The following C12orf42 variants were observed in gnomAD, a reference collection of about 807,000 sequenced individuals.
The protein encoded by C12orf42 is uncharacterized protein C12orf42.
Under a neutral mutation model 21.6 loss-of-function variants are expected in C12orf42, and 25 were observed. The observed-to-expected ratio is 1.16, with a 90% CI of 0.84 to 1.62. The LOEUF (loss-of-function observed/expected upper bound fraction) is 1.62. C12orf42 is among the 40% of genes most tolerant of loss of function. The probability of loss-of-function intolerance (pLI) is 0.00; values close to 1 mark genes in which losing one functional copy is unlikely to be tolerated. For synonymous variants in C12orf42, 174 were observed against 175.0 expected, an observed-to-expected ratio of 0.99 and a Z score of 0.05; for missense variants, 483 against 459.3, an observed-to-expected ratio of 1.05 and a Z score of -0.47.
At chr12:103,368,323 A>T (rs1193985450) in intron 4 of C12orf42, among the ~76,000 whole-genome samples, 42 of 151,190 alleles carry the variant, frequency 2.8e-4, no homozygotes, top group Middle Eastern at 3.4e-3. Context: ...TCTCTCACAC[A>T]CACACACACA....
intron 2 of C12orf42, among the ~76,000 whole-genome samples, chr12:103,434,736 G>A (rs1431531902): frequency 6.6e-6 from 1 of 152,254 alleles, no homozygotes; most frequent in African/African-American, 2.4e-5. Flanking sequence ...GCCGCACCTG[G>A]CTTGGAGGGT....
At chr12:103,389,745 G>A (rs1343833323) in intron 3 of C12orf42, among the ~76,000 whole-genome samples, 2 of 152,186 alleles carry the variant, frequency 1.3e-5, no homozygotes, top group Admixed American at 1.3e-4. Flanking sequence ...GCTCCTCAGT[G>A]CATCCATTGT....
Position 103,362,288 on chromosome 12 carries a change from CA to C in C12orf42, c.259+6598del, listed in dbSNP as rs558776945. Among the ~76,000 whole-genome samples the C allele has an allele frequency of 2.0e-4, 31 of 152,192 alleles. No individual in the cohort carries two copies. In the South Asian group the frequency reaches 6.0e-3, roughly 30 times the overall value. ...CACTACAGCTCAGCTCTCAGGAAGC[CA>C]CATTGCCAGGAAAAGGGGGAGAGTA... On this transcript the variant is annotated intron_variant, in intron 4 of 5. Transcript: ENST00000548883.
the C12orf42 span, among the ~76,000 whole-genome samples, chr12:103,184,337 A>G: frequency 1.3e-5 from 2 of 152,170 alleles, no homozygotes; most frequent in African/African-American, 4.8e-5. Context: ...TTTAAAGTCT[A>G]CTTTATCAGG....
the C12orf42 span, among the ~76,000 whole-genome samples, chr12:103,118,759 T>C: frequency 3.0e-4 from 34 of 111,790 alleles, no homozygotes; most frequent in Middle Eastern, 7.9e-3. Flanking sequence ...GATTGCGCCA[T>C]TGCACTCCAG....
At chr12:103,065,713 T>C in the C12orf42 span, among the ~76,000 whole-genome samples, 1 of 152,228 alleles carries the variant, frequency 6.6e-6, no homozygotes, top group Non-Finnish European at 1.5e-5. Context: ...CCCAGTGGTG[T>C]GGAGCCTGTC....
At chr12:103,163,690 G>T in the C12orf42 span, among the ~76,000 whole-genome samples, 1 of 152,148 alleles carries the variant, frequency 6.6e-6, no homozygotes, top group Non-Finnish European at 1.5e-5. Context: ...GGCCTGGAAA[G>T]TCAGTTATCA....
chr12:103,241,183 TAAAA>T (rs10537065), intron 10 of C12orf42, among the ~76,000 whole-genome samples: 1 of 142,940 alleles, frequency 7.0e-6, no homozygotes. Context: ...CTGTTTTGTT[TAAAA>T]AAAAAAAAAA....
In C12orf42 at chr12:103,250,351, C is replaced by G. The variant is rs538315990; in HGVS notation, c.*1367-12449G>C. On this transcript the variant is annotated intron_variant and NMD_transcript_variant, in intron 10 of 10. Transcript: ENST00000547347. ...GTGGTTGCAAGACGGCTTCCACAGC[C>G]CCAGAGCTAACATCTTTCACCTTCA... is the stretch of plus-strand genomic sequence containing the variant. 5.3e-5 allele frequency among the ~76,000 whole-genome samples: 8 copies of G among 152,068 alleles called. No homozygotes were observed. The South Asian group carries it at 1.7e-3, about 32-fold the overall frequency.
intron 2 of C12orf42, among the ~76,000 whole-genome samples, chr12:103,471,283 A>G (rs1032240038): frequency 6.6e-6 from 1 of 152,202 alleles, no homozygotes; most frequent in Non-Finnish European, 1.5e-5. Flanking sequence ...AACACATGAA[A>G]GGACCTAGAA....
At chr12:103,170,747 A>G in the C12orf42 span, among the ~76,000 whole-genome samples, 3 of 152,234 alleles carry the variant, frequency 2.0e-5, no homozygotes, top group East Asian at 3.9e-4. Flanking sequence ...ACTCAATTCA[A>G]TTCAATTCAG....
intron 10 of C12orf42, among the ~76,000 whole-genome samples, chr12:103,250,279 C>G (rs1057361268): frequency 6.6e-6 from 1 of 151,988 alleles, no homozygotes; most frequent in Admixed American, 6.6e-5. Flanking sequence ...CCTGGCTTTC[C>G]TGTCTCTCAG....
the C12orf42 span, among the ~76,000 whole-genome samples, chr12:103,048,574 T>G: frequency 6.6e-6 from 1 of 152,190 alleles, no homozygotes; most frequent in East Asian, 1.9e-4. Context: ...TCTCTGAACT[T>G]CAGTCTTATC....
At chr12:103,437,064 C>T in intron 2 of C12orf42, among the ~76,000 whole-genome samples, 2 of 151,358 alleles carry the variant, frequency 1.3e-5, no homozygotes, top group Non-Finnish European at 2.9e-5. Context: ...TCTCTCAGAC[C>T]ACAGTGCAAT....
chr12:103,483,390 A>C (rs1363873091), intron 1 of C12orf42, among the ~76,000 whole-genome samples: 1 of 152,188 alleles, frequency 6.6e-6, no homozygotes, highest in East Asian at 1.9e-4. Flanking sequence ...TAAAAAATTT[A>C]AGAAAATTCT....
the C12orf42 span, among the ~76,000 whole-genome samples, chr12:103,513,226 G>T: frequency 6.6e-6 from 1 of 152,110 alleles, no homozygotes; most frequent in East Asian, 1.9e-4. Context: ...CAGAATGTTT[G>T]CAGGAACCCT....
At chr12:103,383,929 C>T (rs1566203273) in intron 3 of C12orf42, among the ~76,000 whole-genome samples, 2 of 152,178 alleles carry the variant, frequency 1.3e-5, no homozygotes, top group African/African-American at 4.8e-5. Context: ...TAGGTGCTGT[C>T]ATCATATCAT....
chr12:103,459,020 G>A lies in C12orf42; in HGVS notation c.78+19329C>T, dbSNP rs1952505038. The stretch of plus-strand genomic sequence containing the variant: ...TGAGAAAAGACAAATCTGACCCTGA[G>A]GGAAGGAGAGAGGAAAGGAAAGAAG... On this transcript the variant is annotated intron_variant, in intron 2 of 5. Transcript: ENST00000548883. Among the ~76,000 whole-genome samples, 4 of 152,048 alleles carry A rather than the reference G, an allele frequency of 2.6e-5. No individual in the cohort carries two copies. In the South Asian group the frequency reaches 8.3e-4, roughly 32 times the overall value.
chr12:103,072,700 G>A, the C12orf42 span, among the ~76,000 whole-genome samples: 1 of 152,046 alleles, frequency 6.6e-6, no homozygotes, highest in Non-Finnish European at 1.5e-5. Flanking sequence ...TTCCACCATG[G>A]TTGAACAAAG....
Sources: allele counts gnomAD v4.1 joint callset (sites outside exome capture counted in the v4.1 genomes callset), GRCh38; gene constraint gnomAD v4.1.1; transcripts MANE v1.5; gene names NCBI Gene and HGNC (gene_info 2026-07-23, HGNC 2026-07-21).